The following PCDHGB5 variants were observed in gnomAD, a reference collection of about 807,000 sequenced individuals.
PCDHGB5 encodes protocadherin gamma-B5.
Under a neutral mutation model 62.9 loss-of-function variants are expected in PCDHGB5, and 48 were observed. The observed-to-expected ratio is 0.76, with a 90% CI of 0.61 to 0.97. The LOEUF is 0.97. PCDHGB5 is among the 50% of genes least tolerant of loss of function. The pLI is 0.00. For synonymous variants in PCDHGB5, 474 were observed against 511.2 expected (o/e 0.93, Z 0.98); for missense variants, 1,118 against 1,198.6 (o/e 0.93, Z 0.99).
rs150692324 is a variant in PCDHGB5 at position 141,431,149 on chromosome 5, G to T, written c.2397+30625G>T. 1.2e-6 allele frequency: 2 copies of T among 1,614,210 alleles called. No homozygotes were observed. Among genetic ancestry groups the T allele is most frequent in the Non-Finnish European group, 1.7e-6 (2 of 1,180,020 alleles). ...AAGTAAGGGACATTAACGACAATGC[G>T]CCTTACTTTCGTGAAAGTGAATTAG... On this transcript the variant is annotated intron_variant, in intron 1 of 3. Coordinates refer to ENST00000617380, the MANE Select transcript of PCDHGB5 (RefSeq NM_018925.3). This position sits in a 1 kb window ranked among gnomAD's most constrained non-coding sequence, Gnocchi z 4.8.
At chr5:141,433,397 A>C (rs189987785) in intron 1 of PCDHGB5, among the ~76,000 whole-genome samples, 2 of 150,410 alleles carry the variant, frequency 1.3e-5, no homozygotes, top group African/African-American at 4.9e-5. Context: ...CTATCTATCT[A>C]TCTATCTATT....
At chr5:141,415,462 C>T in intron 1 of PCDHGB5, 1 of 1,614,220 alleles carries the variant, frequency 6.2e-7, no homozygotes. Context: ...CGAGGTCTCT[C>T]TCACCGCGGA....
At chr5:141,467,059 T>C (rs1157689140) in intron 1 of PCDHGB5, among the ~76,000 whole-genome samples, 2 of 151,064 alleles carry the variant, frequency 1.3e-5, no homozygotes, top group African/African-American at 2.4e-5. Context: ...TGTTTTCTTT[T>C]TTTTTTTTTT....
intron 1 of PCDHGB5, chr5:141,414,961 G>T: frequency 6.2e-7 from 1 of 1,614,028 alleles, no homozygotes; most frequent in South Asian, 1.1e-5. Flanking sequence ...GACCAAGGTG[G>T]TGGCGGTGGA....
chr5:141,456,735 C>T (rs568353480), intron 1 of PCDHGB5, among the ~76,000 whole-genome samples: 8 of 152,216 alleles, frequency 5.3e-5, no homozygotes, highest in East Asian at 3.9e-4. Context: ...GAGGCTGAGG[C>T]GGGAGCATCA....
chr5:141,438,586 A>G (rs949534736), intron 1 of PCDHGB5, among the ~76,000 whole-genome samples: 2 of 56,254 alleles, frequency 3.6e-5, no homozygotes, highest in South Asian at 6.2e-4. Context: ...ATACATACAT[A>G]CATACATATA....
At chr5:141,429,912 A>G (rs1341795921) in intron 1 of PCDHGB5, among the ~76,000 whole-genome samples, 2 of 152,234 alleles carry the variant, frequency 1.3e-5, no homozygotes, top group Admixed American at 1.3e-4. Flanking sequence ...TTGAAATATA[A>G]TGTATTAATA....
chr5:141,427,810 G>A (rs2097074260), intron 1 of PCDHGB5: 1 of 1,523,990 alleles, frequency 6.6e-7, no homozygotes, highest in Non-Finnish European at 9.0e-7. Flanking sequence ...AGCGCACAGA[G>A]CGGGGTGGTG....
intron 1 of PCDHGB5, chr5:141,413,863 G>A (rs1367797365): frequency 1.9e-6 from 3 of 1,613,356 alleles, no homozygotes; most frequent in Admixed American, 1.7e-5. Flanking sequence ...ATCTGGCACT[G>A]TCCTTGTCAG....
chr5:141,502,282 C>A (rs187281689), intron 2 of PCDHGB5, among the ~76,000 whole-genome samples: 1 of 151,848 alleles, frequency 6.6e-6, no homozygotes, highest in Non-Finnish European at 1.5e-5. Flanking sequence ...GCATAGATTG[C>A]ATTTGGTTGT....
At position 141,405,272 on chromosome 5, in the gene PCDHGB5, A is replaced by G. The variant is rs551265067; in HGVS notation, c.2397+4748A>G. The G allele has an allele frequency of 9.3e-6, 15 of 1,614,170 alleles. No individual in the cohort carries two copies. In the South Asian group the frequency reaches 1.6e-4, roughly 18 times the overall value. On this transcript the variant is annotated intron_variant, in intron 1 of 3. Transcript: ENST00000617380. ...GAGTCACCTGATCTTCCCCCAGCCC[A>G]ACTATGCAGACACACTCATCAGCCA...
chr5:141,460,430 G>T (rs1163518139), intron 1 of PCDHGB5, among the ~76,000 whole-genome samples: 2 of 152,110 alleles, frequency 1.3e-5, no homozygotes, highest in African/African-American at 4.8e-5. Flanking sequence ...ATGGTGTATG[G>T]TGTGAGGTAA....
chr5:141,440,075 T>C (rs2098148518), intron 1 of PCDHGB5: 1 of 152,428 alleles, frequency 6.6e-6, no homozygotes, highest in Non-Finnish European at 1.5e-5. Flanking sequence ...TGAGGAATAA[T>C]ACTTCATTCT....
chr5:141,449,256 A>C (rs929920180), intron 1 of PCDHGB5, among the ~76,000 whole-genome samples: 5 of 152,176 alleles, frequency 3.3e-5, no homozygotes, highest in Non-Finnish European at 5.9e-5. Context: ...CAAGAATTGT[A>C]CAAAGAACTG....
At position 141,493,262 on chromosome 5, in the gene PCDHGB5, A is replaced by G. The variant is rs148431133; in HGVS notation, c.2398-1545A>G. ...GGTACTAACATGCCTCTCTTATAAC[A>G]GCTTCACAGAGGTCAAGTGACTTGC... is the stretch of plus-strand genomic sequence containing the variant. On this transcript the variant is annotated intron_variant, in intron 1 of 3. Transcript: ENST00000617380. This position sits in a 1 kb window ranked among gnomAD's most constrained non-coding sequence, Gnocchi z 4.3. 5.1e-4 allele frequency among the ~76,000 whole-genome samples: 78 copies of G among 152,302 alleles called. No homozygotes were observed. Among genetic ancestry groups the G allele is most frequent in the African/African-American group, 1.7e-3 (72 of 41,574 alleles).
At chr5:141,408,423 A>G (rs2095103444) in intron 1 of PCDHGB5, 1 of 1,614,078 alleles carries the variant, frequency 6.2e-7, no homozygotes. Flanking sequence ...GAGAAGCTGC[A>G]CTTCAGCGTA....
In PCDHGB5 at chr5:141,487,906, AGCACAGGAGGCTACAGT is replaced by A. The variant is rs2099668744; in HGVS notation, c.2398-6893_2398-6877del. ...TGGAAGCATGATGATGGAATGTGGG[AGCACAGGAGGCTACAGT>A]GCACAGGGTACAGTGCACCAGGCAG... On this transcript the variant is annotated intron_variant, in intron 1 of 3. Coordinates refer to ENST00000617380, the MANE Select transcript of PCDHGB5 (RefSeq NM_018925.3). The surrounding 1 kb of genome is among the most constrained non-coding windows in gnomAD (Gnocchi z 5.0). The A allele has an allele frequency of 8.7e-6, 6 of 686,524 alleles. No homozygotes were observed. The East Asian group carries it at 1.6e-4, about 19-fold the overall frequency. The allele number at this position is 686,524 out of a possible 1,614,324, so 42.5% of individuals were successfully genotyped here.
chr5:141,509,830 T>A (rs1328716142), intron 3 of PCDHGB5, among the ~76,000 whole-genome samples: 1 of 152,204 alleles, frequency 6.6e-6, no homozygotes, highest in African/African-American at 2.4e-5. Flanking sequence ...ATCTTCTCTC[T>A]ACCTCCCATT....
At position 141,429,460 on chromosome 5, in the gene PCDHGB5, C is replaced by T. The variant is rs528924726; in HGVS notation, c.2397+28936C>T. The stretch of plus-strand genomic sequence containing the variant: ...AAACTCTTGGGCTACAGTAATCCTC[C>T]CACCTCAATCTCCAGAGTAGCTGAG... On this transcript the variant is annotated intron_variant, in intron 1 of 3. Transcript: ENST00000617380. Among the ~76,000 whole-genome samples the T allele has an allele frequency of 1.6e-4, 25 of 151,938 alleles. 1 individual carries two copies. The South Asian group carries it at 4.6e-3, about 28-fold the overall frequency.
Sources: allele counts gnomAD v4.1 joint callset (sites outside exome capture counted in the v4.1 genomes callset), GRCh38; gene constraint gnomAD v4.1.1; non-coding constraint Gnocchi (gnomAD v3.1); transcripts MANE v1.5; gene names NCBI Gene and HGNC (gene_info 2026-07-23, HGNC 2026-07-21).